Variants in DMD observed in about 807,000 individuals in gnomAD.
DMD encodes dystrophin, also known as mutant dystrophin.
DMD carries 63 observed loss-of-function variants against 330.1 expected under a neutral mutation model. The observed-to-expected ratio is 0.19, with a 90% confidence interval of 0.16 to 0.24. DMD has a LOEUF of 0.24. Ranked by LOEUF, DMD falls within the 10% of genes least tolerant of loss-of-function variation. The pLI is 1.00. For synonymous variants in DMD, 1,223 were observed against 959.8 expected (o/e 1.27, Z -5.07); for missense variants, 3,344 against 2,684.1 (o/e 1.25, Z -5.43).
rs576605943 is a variant in DMD at position 31,985,593 on chromosome X, T to G, written c.6439-17079A>C. 7.1e-5 allele frequency among the ~76,000 whole-genome samples: 8 copies of G among 112,522 alleles called. No individual in the cohort carries two copies. In the South Asian group the frequency reaches 2.2e-3, roughly 31 times the overall value. On this transcript the variant is annotated intron_variant, in intron 44 of 78. Coordinates refer to ENST00000357033, the MANE Select transcript of DMD (RefSeq NM_004006.3). ...GATATTTAAATATACAGAAGTACCA[T>G]TTGCCTGCAAGACTGAGCAAATGAA...
intron 55 of DMD, chrX:31,508,266 T>C (rs1199249055): frequency 3.3e-6 from 4 of 1,201,446 alleles, no homozygotes; most frequent in Non-Finnish European, 4.5e-6. Flanking sequence ...ACTACAGCAC[T>C]GATCCTGTTG....
At chrX:32,408,239 G>C (rs191072161) in intron 30 of DMD, among the ~76,000 whole-genome samples, 379 of 111,696 alleles carry the variant, frequency 3.4e-3, no homozygotes, top group African/African-American at 0.011. Flanking sequence ...TGTAAGCTTT[G>C]CTTCTGTAGG....
intron 52 of DMD, among the ~76,000 whole-genome samples, chrX:31,718,601 A>G (rs1603451001): frequency 9.0e-6 from 1 of 110,668 alleles, no homozygotes; most frequent in Admixed American, 9.7e-5. Context: ...GCAAGAAGAG[A>G]GACTAGAGTA....
At chrX:31,121,970 G>T in intron 78 of DMD, 40 bp from the exon 79 acceptor site, 1 of 1,014,111 alleles carries the variant, frequency 9.9e-7, no homozygotes, top group Non-Finnish European at 1.4e-6. Context: ...TTTACAAAAG[G>T]TGCAGATAGA....
chrX:32,535,267 G>A (rs1027784421), intron 17 of DMD, among the ~76,000 whole-genome samples: 1 of 111,577 alleles, frequency 9.0e-6, no homozygotes, highest in Non-Finnish European at 1.9e-5. Flanking sequence ...ATGCCCATCT[G>A]CTCTCAGATC....
intron 60 of DMD, among the ~76,000 whole-genome samples, chrX:31,381,066 C>G (rs1187682119): frequency 9.0e-6 from 1 of 111,549 alleles, no homozygotes; most frequent in Non-Finnish European, 1.9e-5. Flanking sequence ...ACTTTAGATA[C>G]CTGGTTTTGC....
intron 29 of DMD, among the ~76,000 whole-genome samples, chrX:32,425,757 A>G (rs2098210076): frequency 9.0e-6 from 1 of 111,489 alleles, no homozygotes; most frequent in South Asian, 3.8e-4. Flanking sequence ...GTGCTACAGT[A>G]ACCAAAACAA....
At chrX:33,066,738 G>C (rs2094668352) in intron 1 of DMD, among the ~76,000 whole-genome samples, 2 of 111,325 alleles carry the variant, frequency 1.8e-5, no homozygotes, top group African/African-American at 6.5e-5. Flanking sequence ...GCATGCATAA[G>C]AATGCATATT....
intron 50 of DMD, among the ~76,000 whole-genome samples, chrX:31,794,477 T>C (rs1461736534): frequency 1.8e-5 from 2 of 111,899 alleles, no homozygotes; most frequent in Non-Finnish European, 3.8e-5. Flanking sequence ...TCAGTTATGC[T>C]TCACCGATTA....
chrX:32,219,085 C>T (rs372621589), intron 43 of DMD, among the ~76,000 whole-genome samples: 1 of 111,377 alleles, frequency 9.0e-6, no homozygotes, highest in Non-Finnish European at 1.9e-5. Context: ...AAAAGGCAAC[C>T]GAAGGTAGCC....
intron 50 of DMD, among the ~76,000 whole-genome samples, chrX:31,788,991 T>C (rs2091443465): frequency 1.8e-5 from 2 of 111,251 alleles, no homozygotes; most frequent in Non-Finnish European, 3.8e-5. Context: ...GAGTCTCTTA[T>C]GGGCAGCATG....
intron 1 of DMD, among the ~76,000 whole-genome samples, chrX:33,231,740 A>G (rs1183909439): frequency 6.3e-5 from 7 of 111,965 alleles, no homozygotes; most frequent in Non-Finnish European, 1.3e-4. Flanking sequence ...TTCTAAATCC[A>G]GTAAGAGATA....
chrX:32,317,965 C>T (rs2097589811), intron 41 of DMD, among the ~76,000 whole-genome samples: 1 of 109,761 alleles, frequency 9.1e-6, no homozygotes, highest in East Asian at 2.9e-4. Flanking sequence ...GAAAGTATGT[C>T]AGTTTGTATC....
Position 32,621,154 on chromosome X carries a change from G to A in DMD, c.1332-6701C>T, listed in dbSNP as rs180955140. Among the ~76,000 whole-genome samples the A allele has an allele frequency of 7.2e-5, 8 of 111,371 alleles. No homozygotes were observed. In the East Asian group the frequency reaches 2.3e-3, roughly 32 times the overall value. ...GAGTCTGTAAAGGGGGGCCTTTAGT[G>A]CAGTACTGGACAACTGTGAAGACTG... On this transcript the variant is annotated intron_variant, in intron 11 of 78. Transcript: ENST00000357033.
At chrX:31,405,781 A>T (rs904846904) in intron 60 of DMD, among the ~76,000 whole-genome samples, 2 of 111,808 alleles carry the variant, frequency 1.8e-5, no homozygotes, top group Non-Finnish European at 3.8e-5. Context: ...CACAGTGGTA[A>T]ACCATATACT....
At chrX:32,340,661 C>T (rs2097737040) in intron 41 of DMD, among the ~76,000 whole-genome samples, 1 of 111,818 alleles carries the variant, frequency 8.9e-6, no homozygotes, top group East Asian at 2.8e-4. Flanking sequence ...AAGCAAAGGA[C>T]TCCCCCTTGA....
intron 7 of DMD, among the ~76,000 whole-genome samples, chrX:32,781,415 C>T (rs2074746795): frequency 1.8e-5 from 2 of 111,640 alleles, no homozygotes; most frequent in Non-Finnish European, 3.8e-5. Flanking sequence ...TAATATTGTA[C>T]TAAACAGTAT....
intron 2 of DMD, among the ~76,000 whole-genome samples, chrX:32,994,707 A>G (rs928401916): frequency 4.5e-5 from 5 of 112,049 alleles, no homozygotes; most frequent in Non-Finnish European, 3.8e-5. Context: ...ACCACAAAAC[A>G]TAAGTTAGTG....
intron 7 of DMD, among the ~76,000 whole-genome samples, chrX:32,755,404 C>A (rs911130596): frequency 1.8e-5 from 2 of 111,237 alleles, no homozygotes; most frequent in Non-Finnish European, 3.8e-5. Context: ...TAAAATATTT[C>A]TATAAATTCA....
Sources: gnomAD v4.1 joint callset for allele counts (sites outside exome capture counted in the v4.1 genomes callset) on GRCh38, gnomAD v4.1.1 for gene constraint, MANE v1.5 for transcripts, NCBI Gene and HGNC (gene_info 2026-07-23, HGNC 2026-07-21) for gene names.